The following SLC4A10 variants were observed in gnomAD, a reference collection of about 807,000 sequenced individuals.
SLC4A10 encodes the protein sodium-driven chloride bicarbonate exchanger.
In SLC4A10, 42 loss-of-function variants were observed where a neutral mutation model predicts 137.7. The observed-to-expected ratio is 0.30, with a 90% CI of 0.24 to 0.39. The LOEUF is 0.39. Ranked by LOEUF, SLC4A10 falls within the 10% of genes least tolerant of loss-of-function variation. SLC4A10 has a pLI of 1.00. For missense variants in SLC4A10, 925 were observed against 1,355.0 expected, an observed-to-expected ratio of 0.68 and a Z score of 4.98; for synonymous variants, 474 against 464.1, an observed-to-expected ratio of 1.02 and a Z score of -0.27.
intron 3 of SLC4A10, 134 bp from the exon 4 acceptor site, chr2:161,839,655 C>A: frequency 1.2e-6 from 1 of 823,042 alleles, no homozygotes; most frequent in Non-Finnish European, 1.8e-6. Context: ...ATGAGTGTTG[C>A]AGTGGGGAGC....
intron 15 of SLC4A10, among the ~76,000 whole-genome samples, chr2:161,911,825 T>C (rs1685930569): frequency 1.3e-5 from 2 of 152,076 alleles, no homozygotes; most frequent in African/African-American, 4.8e-5. Flanking sequence ...GTTTCCCCCC[T>C]AAAAAGCTAG....
intron 1 of SLC4A10, among the ~76,000 whole-genome samples, chr2:161,731,756 C>T (rs2046842229): frequency 6.6e-6 from 1 of 152,014 alleles, no homozygotes; most frequent in South Asian, 2.1e-4. Flanking sequence ...AAGCTTAACC[C>T]ATGAGATTAT....
chr2:161,816,232 G>C (rs934270150), intron 3 of SLC4A10, among the ~76,000 whole-genome samples: 2 of 152,110 alleles, frequency 1.3e-5, no homozygotes, highest in African/African-American at 4.8e-5. Flanking sequence ...TTACGTGGAA[G>C]CATTCCAAAG....
intron 18 of SLC4A10, among the ~76,000 whole-genome samples, chr2:161,950,164 C>T (rs1374886853): frequency 6.6e-6 from 1 of 151,938 alleles, no homozygotes; most frequent in Non-Finnish European, 1.5e-5. Context: ...AGTTACAATA[C>T]CATAATGATG....
At chr2:161,709,941 A>G (rs1392528266) in intron 1 of SLC4A10, 2 of 151,588 alleles carry the variant, frequency 1.3e-5, no homozygotes, top group Non-Finnish European at 3.0e-5. Context: ...GCAGTTCTCA[A>G]CAGCAAGATG....
At chr2:161,668,972 G>A (rs913210895) in intron 1 of SLC4A10, among the ~76,000 whole-genome samples, 30 of 151,802 alleles carry the variant, frequency 2.0e-4, no homozygotes, top group African/African-American at 7.2e-4. Flanking sequence ...AGCTTTTCAA[G>A]CTTTATGATA....
intron 6 of SLC4A10, among the ~76,000 whole-genome samples, chr2:161,866,250 G>A (rs1190484353): frequency 6.6e-6 from 1 of 151,896 alleles, no homozygotes; most frequent in Non-Finnish European, 1.5e-5. Context: ...TATTTCAAAC[G>A]GGGTCTTCCC....
intron 15 of SLC4A10, among the ~76,000 whole-genome samples, chr2:161,913,351 G>A (rs1024608749): frequency 6.6e-6 from 1 of 152,032 alleles, no homozygotes; most frequent in South Asian, 2.1e-4. Context: ...ATAATAAAAA[G>A]TTCTTCCAAA....
intron 3 of SLC4A10, among the ~76,000 whole-genome samples, chr2:161,828,618 T>C (rs1411336889): frequency 6.8e-6 from 1 of 147,202 alleles, no homozygotes; most frequent in African/African-American, 2.5e-5. Context: ...TCTGGTTCCC[T>C]AGTATTGGAA....
chr2:161,645,336 T>A (rs544424827), intron 1 of SLC4A10, among the ~76,000 whole-genome samples: 2 of 152,182 alleles, frequency 1.3e-5, no homozygotes, highest in Admixed American at 1.3e-4. Flanking sequence ...ACTACAAGAC[T>A]TCTTGTTATA....
At chr2:161,878,079 C>T (rs1405648455) in intron 8 of SLC4A10, among the ~76,000 whole-genome samples, 1 of 151,928 alleles carries the variant, frequency 6.6e-6, no homozygotes, top group Non-Finnish European at 1.5e-5. Flanking sequence ...GAAAAATATT[C>T]TCAAATCATT....
chr2:161,716,446 G>A (rs1170017185), intron 1 of SLC4A10, among the ~76,000 whole-genome samples: 1 of 151,936 alleles, frequency 6.6e-6, no homozygotes, highest in Non-Finnish European at 1.5e-5. Flanking sequence ...TTTCTTCTAG[G>A]GTTTTTATAA....
intron 1 of SLC4A10, among the ~76,000 whole-genome samples, chr2:161,636,642 C>T (rs764043164): frequency 3.3e-5 from 5 of 152,016 alleles, no homozygotes; most frequent in Non-Finnish European, 7.4e-5. Flanking sequence ...TTAGGTGTTC[C>T]ACTCACCTTG....
chr2:161,640,517 TACTA>T (rs1310331815), intron 1 of SLC4A10, among the ~76,000 whole-genome samples: 6 of 152,334 alleles, frequency 3.9e-5, no homozygotes, highest in African/African-American at 7.2e-5. Flanking sequence ...GTAAACATTT[TACTA>T]ACTTTCTTTT....
chr2:161,700,487 G>T (rs2043012638), intron 1 of SLC4A10, among the ~76,000 whole-genome samples: 1 of 152,076 alleles, frequency 6.6e-6, no homozygotes, highest in Admixed American at 6.5e-5. Context: ...CCTACATTTA[G>T]CTTATCGACT....
intron 11 of SLC4A10, among the ~76,000 whole-genome samples, chr2:161,900,524 G>A (rs1682846705): frequency 6.6e-6 from 1 of 151,934 alleles, no homozygotes. Context: ...GCTCCCATCT[G>A]TACCTGATAT....
Position 161,980,905 on chromosome 2 carries a change from C to A in SLC4A10, c.*27-2274C>A, listed in dbSNP as rs1700131314. On this transcript the variant is annotated intron_variant, in intron 26 of 26. Coordinates refer to ENST00000446997, the MANE Select transcript of SLC4A10 (RefSeq NM_001178015.2). ...ACAGATGCATAATACATGTTTGTTA[C>A]AATGAAAGCTTAAAATTGATTGGCC... is the stretch of plus-strand genomic sequence containing the variant. 2.6e-5 allele frequency among the ~76,000 whole-genome samples: 4 copies of A among 152,102 alleles called. No homozygotes were observed. The South Asian group carries it at 8.3e-4, about 32-fold the overall frequency.
intron 19 of SLC4A10, among the ~76,000 whole-genome samples, chr2:161,954,358 A>G (rs1575823535): frequency 6.6e-6 from 1 of 152,076 alleles, no homozygotes; most frequent in African/African-American, 2.4e-5. Flanking sequence ...TGTTGGTTTT[A>G]GTGGGGTCTG....
intron 10 of SLC4A10, among the ~76,000 whole-genome samples, 195 bp from the exon 11 acceptor site, chr2:161,894,484 A>G (rs1301600980): frequency 6.6e-6 from 1 of 152,006 alleles, no homozygotes; most frequent in African/African-American, 2.4e-5. Context: ...CTGACATCAT[A>G]AGAAAAATAG....
Sources: gnomAD v4.1 joint callset for allele counts (sites outside exome capture counted in the v4.1 genomes callset) on GRCh38, gnomAD v4.1.1 for gene constraint, MANE v1.5 for transcripts, NCBI Gene and HGNC (gene_info 2026-07-23, HGNC 2026-07-21) for gene names.